SPTB: variants seen among roughly 807,000 people sequenced by gnomAD.
The protein encoded by SPTB is spectrin beta chain, erythrocytic.
A neutral mutation model predicts 256.2 loss-of-function variants in SPTB; 45 were observed. That is an observed-to-expected ratio of 0.18 (90% CI 0.14 to 0.23). The LOEUF is 0.23. Ranked by LOEUF, SPTB falls within the 10% of genes least tolerant of loss-of-function variation. The pLI is 1.00. For synonymous variants in SPTB, 1,231 were observed against 1,243.1 expected (o/e 0.99, Z 0.21); for missense variants, 2,715 against 3,040.4 (o/e 0.89, Z 2.52).
At chr14:64,794,723 T>C (rs554547869) in intron 12 of SPTB, 106 bp from the exon 13 acceptor site, 1 of 1,455,910 alleles carries the variant, frequency 6.9e-7, no homozygotes, top group East Asian at 2.3e-5. Flanking sequence ...TGAGCAAGGG[T>C]GAGCCAAATG....
chr14:64,801,971 A>C, intron 5 of SPTB, 137 bp from the exon 6 acceptor site: 1 of 909,400 alleles, frequency 1.1e-6, no homozygotes, highest in Non-Finnish European at 1.8e-6. Context: ...AGGGGGCAGC[A>C]GCTAACCACA....
chr14:64,839,940 A>T (rs185884666), intron 1 of SPTB, among the ~76,000 whole-genome samples: 1 of 152,346 alleles, frequency 6.6e-6, no homozygotes. Flanking sequence ...ATGGCATCTG[A>T]GTTGGGTGCT....
rs754670202 is a variant in SPTB, at chr14:64,793,372, C to T, written c.2291G>A (p.Arg764Gln). Residue 764 changes from arginine (R) to glutamine (Q), a missense_variant, in exon 14 of 36, where the codon CGG becomes CAG. Arg to Gln is a conservative substitution (Grantham distance 43, BLOSUM62 1). This residue lies in a region of SPTB where 2,239 missense variants were observed against 2,384.4 expected (regional missense o/e 0.94). Coordinates refer to ENST00000644917, the MANE Select transcript of SPTB (RefSeq NM_001355436.2). The surrounding 1 kb of genome is among the most constrained non-coding windows in gnomAD (Gnocchi z 7.0). ...CCCCACATCTTCACCAGAGAGCAGC[C>T]GGTGGGCGTCTTGCAGCCAAGCCTT... Reference protein sequence around the residue: ...DLKAWLQDAHRLLSGEDVGQD... With the variant: ...DLKAWLQDAHQLLSGEDVGQD... 1.9e-5 allele frequency: 30 copies of T among 1,612,500 alleles called. No homozygotes were observed. The highest frequency in any genetic ancestry group is 1.8e-4 in the South Asian group (16 of 91,096).
At chr14:64,822,351 T>TTCTCTCTCTCTC (rs200994413) in intron 2 of SPTB, among the ~76,000 whole-genome samples, 2 of 8,212 alleles carry the variant, frequency 2.4e-4, no homozygotes, top group African/African-American at 6.4e-4. Context: ...CACCCCCACC[T>TTCTCTCTCTCTC]TCTCTCTCTC....
chr14:64,833,666 C>A (rs1393535043), intron 1 of SPTB, among the ~76,000 whole-genome samples: 2 of 152,172 alleles, frequency 1.3e-5, no homozygotes, highest in Non-Finnish European at 2.9e-5. Context: ...CATCAATGCA[C>A]TTGCCATACT....
At chr14:64,767,440 C>T (rs1393062040) in intron 30 of SPTB, 88 bp from the exon 31 acceptor site, 17 of 1,551,786 alleles carry the variant, frequency 1.1e-5, no homozygotes, top group Non-Finnish European at 1.3e-5. Context: ...GGCCCTGCAC[C>T]CCCACATGCC....
At chr14:64,822,843 C>T in intron 2 of SPTB, 104 bp downstream of exon 2, 1 of 1,544,386 alleles carries the variant, frequency 6.5e-7, no homozygotes, top group East Asian at 2.2e-5. Context: ...CACTGCCATG[C>T]CAGGGCTCAC....
At chr14:64,869,191 T>C (rs1034342290) in intron 1 of SPTB, among the ~76,000 whole-genome samples, 6 of 152,186 alleles carry the variant, frequency 3.9e-5, no homozygotes, top group African/African-American at 1.2e-4. Context: ...AGTTAACTTT[T>C]CCAAGTCTGA....
chr14:64,861,761 G>C (rs1343019691), intron 1 of SPTB, among the ~76,000 whole-genome samples: 1 of 152,076 alleles, frequency 6.6e-6, no homozygotes, highest in Non-Finnish European at 1.5e-5. Context: ...CCTGATCATC[G>C]AGTTTCATGC....
chr14:64,804,486 A>G (rs187937297), intron 3 of SPTB, among the ~76,000 whole-genome samples: 231 of 152,270 alleles, frequency 1.5e-3, no homozygotes, highest in Non-Finnish European at 2.7e-3. Flanking sequence ...ACCTTCATCT[A>G]CTTCTTCTTT....
At position 64,753,918 on chromosome 14, in the gene SPTB, C is replaced by T. The variant is rs545218935; in HGVS notation, c.6346-125G>A. On this transcript the variant is annotated intron_variant, in intron 32 of 35. Transcript: ENST00000644917. ...CCCCCAAGCCTACTTCCTTTCTACTCCCACCTCCTGGCCCACCCTGGCTCT... is the reference window on the plus strand; with the variant it reads ...CCCCCAAGCCTACTTCCTTTCTACTTCCACCTCCTGGCCCACCCTGGCTCT... 62 of 1,320,120 alleles carry T rather than the reference C, an allele frequency of 4.7e-5. No individual in the cohort carries two copies. In the Admixed American group the frequency reaches 5.6e-4, roughly 12 times the overall value. 81.8% of individuals were successfully genotyped at this position (1,320,120 alleles called of 1,614,324 possible).
chr14:64,784,665 G>A (rs916366803), intron 18 of SPTB, among the ~76,000 whole-genome samples: 1 of 152,224 alleles, frequency 6.6e-6, no homozygotes, highest in Non-Finnish European at 1.5e-5. Context: ...TCCATATTTT[G>A]AGGACCTAGG....
chr14:64,752,337 A>G (rs1342354770), intron 33 of SPTB: 1 of 1,055,808 alleles, frequency 9.5e-7, no homozygotes, highest in Non-Finnish European at 1.3e-6. Flanking sequence ...AGGAAGGTGG[A>G]GAAACTAGTA....
chr14:64,774,677 G>A, intron 23 of SPTB, 150 bp from the exon 24 acceptor site: 3 of 1,226,474 alleles, frequency 2.4e-6, no homozygotes. Context: ...CTTCCTTCCT[G>A]CCCTTCTGAT....
Position 64,792,947 on chromosome 14 carries a change from T to A in SPTB, c.2666+50A>T, listed in dbSNP as rs1166828002. The A allele has an allele frequency of 6.2e-7, 1 of 1,612,994 alleles. No individual in the cohort carries two copies. The highest frequency in any genetic ancestry group is 1.6e-4 in the Middle Eastern group (1 of 6,062). On this transcript the variant is annotated intron_variant, in intron 14 of 35. Transcript: ENST00000644917. This position sits in a 1 kb window ranked among gnomAD's most constrained non-coding sequence, Gnocchi z 4.2. ...TATTACCAAACTAGGTGGGAGATGG[T>A]GCCCAGGCCTGGGTACAGGGACGTG...
rs1189125436 is a variant in SPTB, at chr14:64,793,702, T to C, written c.1961A>G (p.Lys654Arg). Residue 654 changes from lysine (K) to arginine (R), a missense_variant, in exon 14 of 36, where the codon AAG becomes AGG. This residue lies in a region of SPTB where 2,239 missense variants were observed against 2,384.4 expected (regional missense o/e 0.94). Coordinates refer to ENST00000644917, the MANE Select transcript of SPTB (RefSeq NM_001355436.2). This position sits in a 1 kb window ranked among gnomAD's most constrained non-coding sequence, Gnocchi z 7.0. Reference protein sequence around the residue: ...WEMDEAESWIKEKEQIYSSLD... With the variant: ...WEMDEAESWIREKEQIYSSLD... ...GGAAGAATAGATCTGCTCCTTCTCC[T>C]TGATCCAGCTCTCAGCCTCATCCAT... 6.2e-7 allele frequency: 1 copy of C among 1,614,174 alleles called. No homozygotes were observed. The highest frequency in any genetic ancestry group is 8.5e-7 in the Non-Finnish European group (1 of 1,180,042).
chr14:64,771,300 T>G (rs1453614243), intron 26 of SPTB, among the ~76,000 whole-genome samples, 171 bp from the exon 27 acceptor site: 1 of 152,186 alleles, frequency 6.6e-6, no homozygotes, highest in Non-Finnish European at 1.5e-5. Flanking sequence ...ACTCCTTGCT[T>G]TAACACCTCT....
At chr14:64,776,685 A>G (rs1438227982) in intron 22 of SPTB, among the ~76,000 whole-genome samples, 2 of 152,044 alleles carry the variant, frequency 1.3e-5, no homozygotes, top group African/African-American at 4.8e-5. Context: ...CAGGCGATCC[A>G]CCCGCTTCGG....
At chr14:64,828,611 A>G (rs569788682) in intron 1 of SPTB, among the ~76,000 whole-genome samples, 1 of 152,306 alleles carries the variant, frequency 6.6e-6, no homozygotes, top group East Asian at 1.9e-4. Flanking sequence ...ATTATCCTCT[A>G]TTGGGATTCT....
Sources: allele counts gnomAD v4.1 joint callset (sites outside exome capture counted in the v4.1 genomes callset), GRCh38; gene constraint gnomAD v4.1.1; regional missense constraint gnomAD v4.1.1; non-coding constraint Gnocchi (gnomAD v3.1); transcripts MANE v1.5; gene names NCBI Gene and HGNC (gene_info 2026-07-23, HGNC 2026-07-21).